Variants in STX16 observed in about 807,000 individuals in gnomAD.
STX16 encodes the protein syntaxin 16.
STX16 carries 28 observed loss-of-function variants against 42.7 expected under a neutral mutation model. That is an observed-to-expected ratio of 0.66 (90% CI 0.49 to 0.90). The LOEUF (loss-of-function observed/expected upper bound fraction) is 0.90, where lower values mean the gene tolerates loss of function less well. Ranked by LOEUF, STX16 falls within the 40% of genes least tolerant of loss-of-function variation. The probability of loss-of-function intolerance (pLI) is 0.00; values close to 1 mark genes in which losing one functional copy is unlikely to be tolerated. For synonymous variants in STX16, 156 were observed against 155.2 expected (o/e 1.00, Z -0.04); for missense variants, 361 against 420.9 (o/e 0.86, Z 1.24).
At chr20:58,664,185 G>C (rs777034514) in intron 2 of STX16, among the ~76,000 whole-genome samples, 12 of 152,190 alleles carry the variant, frequency 7.9e-5, no homozygotes, top group Non-Finnish European at 1.6e-4. Context: ...GGGTGCTTAT[G>C]TTGCACATAA....
rs1002691301 is a variant in STX16, at chr20:58,670,758, C to T, written c.648+155C>T. Among the ~76,000 whole-genome samples the T allele has an allele frequency of 1.2e-4, 18 of 152,328 alleles. No individual in the cohort carries two copies. In the South Asian group the frequency reaches 1.2e-3, roughly 11 times the overall value. ...GTTTTGCAGCAGGTGGAAGAACAGC[C>T]GTACTGTTTCTTCCTTTCCAAAGGC... On this transcript the variant is annotated intron_variant, in intron 6 of 8. Coordinates refer to ENST00000371141, the MANE Select transcript of STX16 (RefSeq NM_001001433.3).
At chr20:58,660,015 C>G (rs1322152666) in intron 2 of STX16, among the ~76,000 whole-genome samples, 1 of 152,164 alleles carries the variant, frequency 6.6e-6, no homozygotes, top group Admixed American at 6.5e-5. Flanking sequence ...GCCAGCATGT[C>G]TGTGAAGGCC....
chr20:58,675,584 G>A lies in STX16; in HGVS notation c.874-603G>A, dbSNP rs369317245. ...ATTGAGCTTGGAGGGCTCCTTTGCT[G>A]TATCGTTAGCGGCACTGGGAGGACG... On this transcript the variant is annotated intron_variant, in intron 8 of 8. Transcript: ENST00000371141. Among the ~76,000 whole-genome samples the A allele has an allele frequency of 7.9e-5, 12 of 152,222 alleles. No individual in the cohort carries two copies. In the East Asian group the frequency reaches 1.7e-3, roughly 22 times the overall value.
intron 1 of STX16, among the ~76,000 whole-genome samples, chr20:58,656,368 T>C (rs1230954421): frequency 6.6e-6 from 1 of 152,358 alleles, no homozygotes; most frequent in South Asian, 2.1e-4. Flanking sequence ...CACATTATTA[T>C]GCCAGCCAAG....
chr20:58,670,690 G>A (rs2083947398), intron 6 of STX16, 87 bp downstream of exon 6: 1 of 1,093,482 alleles, frequency 9.1e-7, no homozygotes, highest in Non-Finnish European at 1.4e-6. Context: ...CTTCTGTGCA[G>A]TGTCAGTGGA....
Position 58,669,403 on chromosome 20 carries a change from T to C in STX16, c.506T>C (p.Leu169Pro). Reference sequence around the variant, plus strand: ...GTGGTGGCCTCGCTGGCGCAGGCCCTGCAGGAACTCTCCACCAGCTTCCGG... The same window carrying C: ...GTGGTGGCCTCGCTGGCGCAGGCCCCGCAGGAACTCTCCACCAGCTTCCGG... ...GNVVASLAQA[L>P]QELSTSFRHA... The change falls in exon 5 of 9, where the codon CTG becomes CCG. Residue 169 changes from leucine to proline, a missense_variant. Leu to Pro is a moderately conservative substitution (Grantham distance 98). Transcript: ENST00000371141. 1 of 1,612,406 alleles carries C rather than the reference T, an allele frequency of 6.2e-7. No homozygotes were observed. Among genetic ancestry groups the C allele is most frequent in the Non-Finnish European group, 8.5e-7 (1 of 1,179,562 alleles).
At chr20:58,652,307 G>A (rs1430608091) in intron 1 of STX16, 169 bp downstream of exon 1, 1 of 989,358 alleles carries the variant, frequency 1.0e-6, no homozygotes, top group Non-Finnish European at 1.5e-6. Flanking sequence ...CCCTGGATGA[G>A]GAAGAAGCGG....
At position 58,676,432 on chromosome 20, in the gene STX16, A is replaced by G. The variant is rs774605682; in HGVS notation, c.*141A>G. 9 of 699,766 alleles carry G rather than the reference A, an allele frequency of 1.3e-5. No individual in the cohort carries two copies. The highest frequency in any genetic ancestry group is 5.2e-5 in the South Asian group (3 of 58,198). The allele number at this position is 699,766 out of a possible 1,614,324, so 43.3% of individuals were successfully genotyped here. A position where few individuals can be genotyped will look rare whatever the true frequency, so the allele number is the denominator to read the frequency against. On this transcript the variant is annotated 3_prime_UTR_variant, in exon 9 of 9. Coordinates refer to ENST00000371141, the MANE Select transcript of STX16 (RefSeq NM_001001433.3). ...GGGCAGCGAACCTTTGCATCCACGG[A>G]CTCCTCCTTCCCTAGTCCTGCTCAA...
Position 58,677,992 on chromosome 20 carries a change from T to A in STX16, c.*1701T>A, listed in dbSNP as rs1601067012. The A allele has an allele frequency of 6.6e-6, 1 of 152,228 alleles. No individual in the cohort carries two copies. 9.4% of individuals were successfully genotyped at this position (152,228 alleles called of 1,614,324 possible). A position where few individuals can be genotyped will look rare whatever the true frequency, so the allele number is the denominator to read the frequency against. ...TTGCTTAGGAAAGAGGGCCGGAGAATAAGAAGCCAGCACCTCATCAGTCAG... is the reference window on the plus strand; with the variant it reads ...TTGCTTAGGAAAGAGGGCCGGAGAAAAAGAAGCCAGCACCTCATCAGTCAG... On this transcript the variant is annotated 3_prime_UTR_variant, in exon 9 of 9. Coordinates refer to ENST00000371141, the MANE Select transcript of STX16 (RefSeq NM_001001433.3).
At chr20:58,652,709 C>G (rs577907190) in intron 1 of STX16, among the ~76,000 whole-genome samples, 2 of 152,224 alleles carry the variant, frequency 1.3e-5, no homozygotes, top group Non-Finnish European at 2.9e-5. Flanking sequence ...ATAATTGCCT[C>G]ACTGTTCTTC....
At chr20:58,673,751 T>C in intron 8 of STX16, 40 bp downstream of exon 8, 1 of 1,436,410 alleles carries the variant, frequency 7.0e-7, no homozygotes. Context: ...TAGGAACTAT[T>C]TTCAAATAAT....
intron 2 of STX16, among the ~76,000 whole-genome samples, chr20:58,661,216 G>C (rs2083691684): frequency 6.6e-6 from 1 of 152,250 alleles, no homozygotes. Flanking sequence ...TTAGGTTGAA[G>C]AACCATTTGA....
chr20:58,669,157 T>C, intron 4 of STX16, 134 bp from the exon 5 acceptor site: 1 of 894,302 alleles, frequency 1.1e-6, no homozygotes, highest in Non-Finnish European at 1.7e-6. Context: ...AGATTCCTTT[T>C]ATCTGTTCAC....
At chr20:58,667,459 AT>A (rs1394316890) in intron 2 of STX16, 30 bp from the exon 3 acceptor site, 1 of 1,582,746 alleles carries the variant, frequency 6.3e-7, no homozygotes, top group Non-Finnish European at 8.7e-7. Flanking sequence ...GATTAGAATA[AT>A]TTTTTTCATG....
rs1159074237 is a variant in STX16, at chr20:58,652,125, G to T, written c.119G>T (p.Arg40Leu). 11 of 1,613,846 alleles carry T rather than the reference G, an allele frequency of 6.8e-6. No homozygotes were observed. The highest frequency in any genetic ancestry group is 2.2e-5 in the South Asian group (2 of 91,082). Residue 40 changes from arginine (R) to leucine (L), a missense_variant, in exon 1 of 9, where the codon CGT becomes CTT. Coordinates refer to ENST00000371141, the MANE Select transcript of STX16 (RefSeq NM_001001433.3). ...ATCACCTCCAGCCCTCTGCATTCACGTAGCATTGCTGCGGTGAGTCTCCTG... is the reference window on the plus strand; with the variant it reads ...ATCACCTCCAGCCCTCTGCATTCACTTAGCATTGCTGCGGTGAGTCTCCTG... The part of the protein sequence containing the change: ...SHITSSPLHS[R>L]SIAAELDELA...
rs945254222 is a variant in STX16 at position 58,678,379 on chromosome 20, T to G, written c.*2088T>G. On this transcript the variant is annotated 3_prime_UTR_variant, in exon 9 of 9. Coordinates refer to ENST00000371141, the MANE Select transcript of STX16 (RefSeq NM_001001433.3). ...AAACTGTTTTAAGGAGGGGCTGGGCTCGGTGGCTCACGCCTGTAATCCCAG... is the reference window on the plus strand; with the variant it reads ...AAACTGTTTTAAGGAGGGGCTGGGCGCGGTGGCTCACGCCTGTAATCCCAG... The G allele has an allele frequency of 6.6e-6, 1 of 152,134 alleles. No homozygotes were observed. Among genetic ancestry groups the G allele is most frequent in the Non-Finnish European group, 1.5e-5 (1 of 68,050 alleles). The allele number at this position is 152,134 out of a possible 1,614,324, so 9.4% of individuals were successfully genotyped here. A position where few individuals can be genotyped will look rare whatever the true frequency, so the allele number is the denominator to read the frequency against.
chr20:58,670,370 T>C (rs1601038393), intron 5 of STX16, 142 bp from the exon 6 acceptor site: 3 of 621,856 alleles, frequency 4.8e-6, no homozygotes, highest in South Asian at 3.8e-5. Flanking sequence ...TCCACCCCCA[T>C]TGGAGATAGG....
intron 1 of STX16, among the ~76,000 whole-genome samples, chr20:58,653,239 G>A (rs890463075): frequency 6.6e-6 from 1 of 152,204 alleles, no homozygotes; most frequent in Admixed American, 6.5e-5. Flanking sequence ...TCACCTCTTA[G>A]GGACTGTATT....
intron 1 of STX16, among the ~76,000 whole-genome samples, chr20:58,658,763 C>T (rs1394080273): frequency 6.6e-6 from 1 of 152,098 alleles, no homozygotes; most frequent in African/African-American, 2.4e-5. Flanking sequence ...GATAGAGTTC[C>T]ATGTTGATCT....
Sources: allele counts gnomAD v4.1 joint callset (sites outside exome capture counted in the v4.1 genomes callset), GRCh38; gene constraint gnomAD v4.1.1; transcripts MANE v1.5; gene names NCBI Gene and HGNC (gene_info 2026-07-23, HGNC 2026-07-21).